Variants in ARHGAP23 observed in about 807,000 individuals in gnomAD.
ARHGAP23 encodes the protein rho GTPase-activating protein 23.
In ARHGAP23, 34 loss-of-function variants were observed where a neutral mutation model predicts 136.3. That is an observed-to-expected ratio of 0.25 (90% CI 0.19 to 0.33). ARHGAP23 has a LOEUF of 0.33. ARHGAP23 is among the 10% of genes least tolerant of loss of function. The probability of loss-of-function intolerance (pLI) is 1.00; values close to 1 mark genes in which losing one functional copy is unlikely to be tolerated. For missense variants in ARHGAP23, 1,808 were observed against 2,139.0 expected, an observed-to-expected ratio of 0.85 and a Z score of 3.05; for synonymous variants, 832 against 920.5, an observed-to-expected ratio of 0.90 and a Z score of 1.74.
intron 12 of ARHGAP23, among the ~76,000 whole-genome samples, chr17:38,478,689 G>T (rs950318863): frequency 6.6e-6 from 1 of 152,162 alleles, no homozygotes; most frequent in African/African-American, 2.4e-5. Flanking sequence ...GATTACAGGT[G>T]TGAGCTACTG....
At chr17:38,428,078 C>T (rs1793807429), upstream of ARHGAP23, among the ~76,000 whole-genome samples, 1 of 152,184 alleles carries the variant, frequency 6.6e-6, no homozygotes, top group Non-Finnish European at 1.5e-5. Flanking sequence ...GGCTGTTTCT[C>T]TTTGCTTCCC....
intron 1 of ARHGAP23, among the ~76,000 whole-genome samples, chr17:38,448,646 T>A (rs1052269568): frequency 3.4e-5 from 5 of 147,274 alleles, no homozygotes; most frequent in Non-Finnish European, 7.5e-5. Flanking sequence ...GGGGAGTTTT[T>A]TTTTTTTTTT....
At chr17:38,452,987 G>A (rs2039213727) in intron 1 of ARHGAP23, among the ~76,000 whole-genome samples, 2 of 152,208 alleles carry the variant, frequency 1.3e-5, no homozygotes. Context: ...AGAGTGTGTG[G>A]CTGTCACTCT....
intron 1 of ARHGAP23, among the ~76,000 whole-genome samples, chr17:38,454,633 TAGTGAGTGCTCTCAGGGCTGAC>T (rs1348943849): frequency 6.6e-6 from 1 of 152,016 alleles, no homozygotes; most frequent in African/African-American, 2.4e-5. Context: ...CCCCTGCAGG[TAGTGAGTGCTCTCAGGGCTGAC>T]AGGGCTGGGC....
At chr17:38,493,219 T>G (rs2040318025) in intron 20 of ARHGAP23, among the ~76,000 whole-genome samples, 1 of 151,838 alleles carries the variant, frequency 6.6e-6, no homozygotes, top group East Asian at 1.9e-4. Context: ...TTTGTTTTTT[T>G]TTTGATAGAG....
chr17:38,448,242 GGGAA>G (rs2039077300), intron 1 of ARHGAP23, among the ~76,000 whole-genome samples: 1 of 152,168 alleles, frequency 6.6e-6, no homozygotes, highest in African/African-American at 2.4e-5. Context: ...GGGTGATGCC[GGGAA>G]GGATGAGCTT....
intron 20 of ARHGAP23, among the ~76,000 whole-genome samples, chr17:38,495,688 T>C (rs1281427425): frequency 6.6e-6 from 1 of 152,214 alleles, no homozygotes; most frequent in African/African-American, 2.4e-5. Context: ...AGTCCCCTTG[T>C]TTCCCCTCTT....
chr17:38,510,178 C>T lies in ARHGAP23; in HGVS notation c.3682C>T (p.Arg1228Cys). The change falls in exon 24 of 24, where the codon CGC becomes TGC. Residue 1228 changes from arginine (R) to cysteine (C), a missense_variant. Physicochemically the swap from Arg to Cys is radical, Grantham distance 180. Transcript: ENST00000622683. The surrounding 1 kb of genome is among the most constrained non-coding windows in gnomAD (Gnocchi z 4.6). ...CGCCGTCGCCCCCGAGGCCCCCGGACGCCTCAGTCCCCCGGCGGCGCCGGA... is the reference window on the plus strand; with the variant it reads ...CGCCGTCGCCCCCGAGGCCCCCGGATGCCTCAGTCCCCCGGCGGCGCCGGA... ...PGAVAPEAPG[R>C]LSPPAAPEER... is the part of the protein sequence containing the mutation. 2.3e-6 allele frequency: 3 copies of T among 1,314,500 alleles called. No individual in the cohort carries two copies. The highest frequency in any genetic ancestry group is 1.5e-5 in the African/African-American group (1 of 65,110). 81.4% of individuals were successfully genotyped at this position (1,314,500 alleles called of 1,614,324 possible).
At chr17:38,468,554 A>T (rs568255356) in intron 7 of ARHGAP23, among the ~76,000 whole-genome samples, 1 of 152,204 alleles carries the variant, frequency 6.6e-6, no homozygotes, top group South Asian at 2.1e-4. Context: ...GGGCAGGGGG[A>T]AGACACAGCC....
In ARHGAP23 at chr17:38,510,075, G is replaced by C. The variant is rs1004884343; in HGVS notation, c.3579G>C (p.Ser1193=). ...RGLGSSTDDD[S]EQEAHKPGAG... The stretch of plus-strand genomic sequence containing the variant: ...TGGGCAGCAGCACCGACGACGACTC[G>C]GAGCAGGAGGCGCACAAGCCTGGGG... The change falls in exon 24 of 24, where the codon TCG becomes TCC. Residue 1193 remains serine, a synonymous_variant. Coordinates refer to ENST00000622683, the MANE Select transcript of ARHGAP23 (RefSeq NM_001199417.2). This position sits in a 1 kb window ranked among gnomAD's most constrained non-coding sequence, Gnocchi z 4.6. 1.6e-6 allele frequency: 2 copies of C among 1,237,684 alleles called. No homozygotes were observed. Among genetic ancestry groups the C allele is most frequent in the African/African-American group, 3.1e-5 (2 of 64,214 alleles). The allele number at this position is 1,237,684 out of a possible 1,614,324, so 76.7% of individuals were successfully genotyped here.
At chr17:38,500,856 G>T in intron 23 of ARHGAP23, 2 of 576,442 alleles carry the variant, frequency 3.5e-6, no homozygotes, top group South Asian at 4.7e-5. Context: ...TGGGAGTTAT[G>T]TGGCTAGGAG....
chr17:38,469,105 G>A (rs145728918), intron 7 of ARHGAP23, 39 bp from the exon 8 acceptor site: 2 of 1,520,104 alleles, frequency 1.3e-6, no homozygotes, highest in Non-Finnish European at 1.8e-6. Flanking sequence ...AGGCTCCGCT[G>A]TCTGCTGCCT....
chr17:38,458,590 C>T (rs552316716), intron 2 of ARHGAP23, among the ~76,000 whole-genome samples: 21 of 152,328 alleles, frequency 1.4e-4, no homozygotes, highest in African/African-American at 3.1e-4. Context: ...CACCCCCAGA[C>T]GCTTGTCTCT....
At chr17:38,456,261 C>G (rs531984027) in intron 1 of ARHGAP23, among the ~76,000 whole-genome samples, 32 of 152,278 alleles carry the variant, frequency 2.1e-4, no homozygotes, top group Non-Finnish European at 4.0e-4. Context: ...AGGCTCTCCC[C>G]CATGCGGAAA....
intron 11 of ARHGAP23, among the ~76,000 whole-genome samples, chr17:38,473,350 A>G (rs2039810049): frequency 6.6e-6 from 1 of 152,078 alleles, no homozygotes; most frequent in East Asian, 1.9e-4. Flanking sequence ...TTGAGTTCCT[A>G]TCCGGCCACA....
In ARHGAP23 at chr17:38,467,009, C is replaced by G; in HGVS notation, c.1326C>G (p.Pro442=). The G allele has an allele frequency of 2.6e-6, 4 of 1,550,774 alleles. No individual in the cohort carries two copies. The highest frequency in any genetic ancestry group is 3.5e-6 in the Non-Finnish European group (4 of 1,146,968). Residue 442 remains proline, a synonymous_variant, in exon 7 of 24, where the codon CCC becomes CCG. Coordinates refer to ENST00000622683, the MANE Select transcript of ARHGAP23 (RefSeq NM_001199417.2). ...ATGCGCTCTCCTTCCGGGACTCACCCTTTGGGGGGCTGCCTACCTTCAACC... is the reference window on the plus strand; with the variant it reads ...ATGCGCTCTCCTTCCGGGACTCACCGTTTGGGGGGCTGCCTACCTTCAACC... ...LLHALSFRDS[P]FGGLPTFNLA... is the part of the protein sequence containing the mutation.
Position 38,446,609 on chromosome 17 carries a change from A to AT in ARHGAP23, c.64-11474dup, listed in dbSNP as rs59571187. Among the ~76,000 whole-genome samples the AT allele has an allele frequency of 8.3e-3, 1,094 of 131,620 alleles. 13 individuals carry two copies. The highest frequency in any genetic ancestry group is 0.017 in the Middle Eastern group (4 of 236). The allele number at this position is 131,620 out of a possible 152,430, so 86.3% of individuals were successfully genotyped here. A position where few individuals can be genotyped will look rare whatever the true frequency, so the allele number is the denominator to read the frequency against. ...GGATCATATGGTAATTCTGTGTTTAATTTTTTTTTTTTTTTTTTTGAGACG... is the reference window on the plus strand; with the variant it reads ...GGATCATATGGTAATTCTGTGTTTAATTTTTTTTTTTTTTTTTTTTGAGACG... On this transcript the variant is annotated intron_variant, in intron 1 of 23. Coordinates refer to ENST00000622683, the MANE Select transcript of ARHGAP23 (RefSeq NM_001199417.2).
At chr17:38,457,776 G>A (rs997264377) in intron 1 of ARHGAP23, 1 of 456,338 alleles carries the variant, frequency 2.2e-6, no homozygotes, top group Non-Finnish European at 4.0e-6. Flanking sequence ...CCAGGGTCCT[G>A]CACATAGTAG....
At chr17:38,490,827 C>T (rs1218743729) in intron 19 of ARHGAP23, among the ~76,000 whole-genome samples, 2 of 152,196 alleles carry the variant, frequency 1.3e-5, no homozygotes, top group South Asian at 2.1e-4. Context: ...GCTCAAGTCC[C>T]TCGCATTGCA....
Sources: allele counts gnomAD v4.1 joint callset (sites outside exome capture counted in the v4.1 genomes callset), GRCh38; gene constraint gnomAD v4.1.1; non-coding constraint Gnocchi (gnomAD v3.1); transcripts MANE v1.5; gene names NCBI Gene and HGNC (gene_info 2026-07-23, HGNC 2026-07-21).